ARAP2: variants seen among roughly 807,000 people sequenced by gnomAD.
ARAP2 encodes arf-GAP with Rho-GAP domain, ANK repeat and PH domain-containing protein 2.
In ARAP2, 148 loss-of-function variants were observed where a neutral mutation model predicts 194.5. That is an observed-to-expected ratio of 0.76 (90% CI 0.67 to 0.87). The LOEUF (loss-of-function observed/expected upper bound fraction) is 0.87. Among genes scored for constraint, ARAP2 ranks in the 40% least tolerant of loss-of-function variants. ARAP2 has a pLI of 0.00. For synonymous variants in ARAP2, 695 were observed against 683.5 expected (o/e 1.02, Z -0.26); for missense variants, 2,128 against 1,989.7 (o/e 1.07, Z -1.32).
chr4:36,178,026 A>G, intron 8 of ARAP2, 21 bp from the exon 9 acceptor site: 2 of 1,566,768 alleles, frequency 1.3e-6, no homozygotes, highest in East Asian at 2.3e-5. Flanking sequence ...AGACAGGAGA[A>G]AATACATAAA....
At chr4:36,032,341 T>C (rs1436783999) in intron 5 of ARAP2, among the ~76,000 whole-genome samples, 2 of 152,234 alleles carry the variant, frequency 1.3e-5, no homozygotes, top group African/African-American at 2.4e-5. Flanking sequence ...CAGAGGAGCC[T>C]AACTAATGTT....
At chr4:36,221,938 G>A (rs547064260) in intron 2 of ARAP2, among the ~76,000 whole-genome samples, 2 of 152,166 alleles carry the variant, frequency 1.3e-5, no homozygotes, top group East Asian at 1.9e-4. Context: ...CAATAAAGGC[G>A]GGAAATTCTG....
In ARAP2 at chr4:36,210,742, T is replaced by C. The variant is rs1404913436; in HGVS notation, c.1135A>G (p.Ile379Val). 4 of 1,565,064 alleles carry C rather than the reference T, an allele frequency of 2.6e-6. No individual in the cohort carries two copies. The highest frequency in any genetic ancestry group is 2.0e-5 in the Admixed American group (1 of 51,166). ...ATTTTCTCCTTTCTGTTATCGTATA[T>C]GCTAAACGGAAAAATGATGTAAACA... is the stretch of plus-strand genomic sequence containing the variant. ...ATNSFIIKSS[I>V]YDNRKEKISE... Residue 379 changes from isoleucine to valine, a missense_variant and splice_region_variant, in exon 6 of 33, where the codon ATA becomes GTA. By Grantham distance (29) the Ile-to-Val change is conservative (BLOSUM62 3). Coordinates refer to ENST00000303965, the MANE Select transcript of ARAP2 (RefSeq NM_015230.4).
intron 27 of ARAP2, among the ~76,000 whole-genome samples, chr4:36,105,970 T>G (rs191573784): frequency 1.9e-4 from 29 of 152,086 alleles, no homozygotes. Flanking sequence ...AATAAAAATT[T>G]CAACAGAAAG....
chr4:36,232,483 C>T (rs1236125381), intron 1 of ARAP2, among the ~76,000 whole-genome samples: 3 of 152,200 alleles, frequency 2.0e-5, no homozygotes, highest in African/African-American at 7.2e-5. Flanking sequence ...AGACACCATG[C>T]TCATATTTCC....
At chr4:36,028,024 C>T (rs886578836) in intron 5 of ARAP2, among the ~76,000 whole-genome samples, 36 of 152,150 alleles carry the variant, frequency 2.4e-4, no homozygotes, top group African/African-American at 6.5e-4. Context: ...TACATAAATG[C>T]GCATACTCAT....
intron 19 of ARAP2, 146 bp from the exon 20 acceptor site, chr4:36,133,535 T>C: frequency 1.4e-6 from 1 of 693,668 alleles, no homozygotes; most frequent in Non-Finnish European, 2.4e-6. Flanking sequence ...ACTCAATCCC[T>C]CTTTTGCCTG....
In ARAP2 at chr4:36,094,321, T is replaced by C. The variant is rs115825840; in HGVS notation, c.4286-2301A>G. Among the ~76,000 whole-genome samples the C allele has an allele frequency of 9.1e-3, 1,380 of 152,274 alleles. 18 individuals carry two copies. Among genetic ancestry groups the C allele is most frequent in the African/African-American group, 0.031 (1,298 of 41,554 alleles). ...GTACTATCTGTGGCTGCGAACATGATACAGGGACAGAGCTGAGTAGTTGTT... is the reference window on the plus strand; with the variant it reads ...GTACTATCTGTGGCTGCGAACATGACACAGGGACAGAGCTGAGTAGTTGTT... On this transcript the variant is annotated intron_variant, in intron 27 of 32. Coordinates refer to ENST00000303965, the MANE Select transcript of ARAP2 (RefSeq NM_015230.4).
downstream of ARAP2, among the ~76,000 whole-genome samples, chr4:36,062,132 C>G (rs773675880): frequency 2.6e-5 from 4 of 152,112 alleles, no homozygotes; most frequent in African/African-American, 4.8e-5. Context: ...CTTTGCTATG[C>G]AGAAGTTTTT....
At chr4:36,242,480 A>C (rs542209330) in intron 1 of ARAP2, among the ~76,000 whole-genome samples, 105 of 152,288 alleles carry the variant, frequency 6.9e-4, no homozygotes, top group South Asian at 3.9e-3. Flanking sequence ...ACAACAACAA[A>C]AAACTTCTCA....
intron 11 of ARAP2, among the ~76,000 whole-genome samples, chr4:36,161,831 T>G (rs1976615): frequency 0.83 from 121,499 of 145,872 alleles, 50,708 homozygotes; most frequent in East Asian, 0.92. Flanking sequence ...CTACACGGCC[T>G]GGCGCGGTGG....
At chr4:36,141,598 G>C (rs137947623) in intron 19 of ARAP2, among the ~76,000 whole-genome samples, 127 of 151,724 alleles carry the variant, frequency 8.4e-4, no homozygotes, top group Non-Finnish European at 1.1e-3. Flanking sequence ...TTCCAGTTTA[G>C]GGGGTTCTTT....
chr4:36,069,671 C>G (rs1186498303), intron 32 of ARAP2, among the ~76,000 whole-genome samples: 1 of 152,140 alleles, frequency 6.6e-6, no homozygotes, highest in Admixed American at 6.6e-5. Flanking sequence ...CTTTGGGACT[C>G]TCTTAGACAC....
rs1244104266 is a variant in ARAP2, at chr4:36,078,272, C to T, written c.4608+1944G>A. Among the ~76,000 whole-genome samples, 9 of 151,998 alleles carry T rather than the reference C, an allele frequency of 5.9e-5. No homozygotes were observed. In the East Asian group the frequency reaches 1.2e-3, roughly 20 times the overall value. ...TAATTAGTGTCACAGTGGAGAAGTA[C>T]GGGATGCTAAGGGTGATAGCCTGAA... On this transcript the variant is annotated intron_variant, in intron 31 of 32. Coordinates refer to ENST00000303965, the MANE Select transcript of ARAP2 (RefSeq NM_015230.4).
chr4:36,126,259 G>A (rs753258418), intron 21 of ARAP2, among the ~76,000 whole-genome samples: 1 of 151,930 alleles, frequency 6.6e-6, no homozygotes, highest in Non-Finnish European at 1.5e-5. Context: ...CTAACTGTAG[G>A]AGAAATTGCA....
intron 2 of ARAP2, among the ~76,000 whole-genome samples, chr4:36,218,185 G>A (rs1748387579): frequency 6.6e-6 from 1 of 152,078 alleles, no homozygotes; most frequent in South Asian, 2.1e-4. Context: ...GATGGAGCAG[G>A]AGGTCATTTT....
chr4:36,136,781 ATATG>A (rs1553915985), intron 19 of ARAP2, among the ~76,000 whole-genome samples: 33 of 106,636 alleles, frequency 3.1e-4, no homozygotes, highest in Admixed American at 2.3e-3. Flanking sequence ...AGAATCAAAT[ATATG>A]TGTGTGTGTG....
chr4:36,237,715 A>G (rs867072202), intron 1 of ARAP2, among the ~76,000 whole-genome samples: 1 of 152,202 alleles, frequency 6.6e-6, no homozygotes. Flanking sequence ...AAATAAATCA[A>G]TTTTCTTTAT....
At chr4:36,125,869 G>A (rs1560483636) in intron 21 of ARAP2, among the ~76,000 whole-genome samples, 1 of 151,952 alleles carries the variant, frequency 6.6e-6, no homozygotes, top group Non-Finnish European at 1.5e-5. Flanking sequence ...AACTATCTTT[G>A]GAAACAAGAC....
Sources: gnomAD v4.1 joint callset for allele counts (sites outside exome capture counted in the v4.1 genomes callset) on GRCh38, gnomAD v4.1.1 for gene constraint, MANE v1.5 for transcripts, NCBI Gene and HGNC (gene_info 2026-07-23, HGNC 2026-07-21) for gene names.